The following C2CD3 variants were observed in gnomAD, a reference collection of about 807,000 sequenced individuals.
The protein encoded by C2CD3 is C2 domain containing 3 centriole elongation regulator, also known as C2 domain-containing protein 3.
Under a neutral mutation model 234.0 loss-of-function variants are expected in C2CD3, and 148 were observed. The observed-to-expected ratio is 0.63, with a 90% CI of 0.55 to 0.72. The LOEUF is 0.72. Among genes scored for constraint, C2CD3 ranks in the 30% least tolerant of loss-of-function variants. The pLI is 0.00. For synonymous variants in C2CD3, 1,000 were observed against 1,035.4 expected, an observed-to-expected ratio of 0.97 and a Z score of 0.66; for missense variants, 2,577 against 2,811.5, an observed-to-expected ratio of 0.92 and a Z score of 1.89.
At chr11:74,037,784 G>A in intron 29 of C2CD3, 86 bp from the exon 30 acceptor site, 1 of 1,023,784 alleles carries the variant, frequency 9.8e-7, no homozygotes, top group East Asian at 2.6e-5. Context: ...ACTACCGCTT[G>A]AGCCAAAGCC....
rs766055681 is a variant in C2CD3 at position 74,037,713 on chromosome 11, G to A, written c.5661-15C>T. 2.5e-6 allele frequency: 4 copies of A among 1,590,946 alleles called. No individual in the cohort carries two copies. Among genetic ancestry groups the A allele is most frequent in the Non-Finnish European group, 3.4e-6 (4 of 1,161,912 alleles). ...TCAGATTCTTCCTATAAACAAAAGG[G>A]GGAGAAGAAGACAAAGGGGTAATTC... On this transcript the variant is annotated splice_polypyrimidine_tract_variant and intron_variant, in intron 29 of 32. Coordinates refer to ENST00000334126, the MANE Select transcript of C2CD3 (RefSeq NM_001286577.2).
intron 25 of C2CD3, among the ~76,000 whole-genome samples, chr11:74,056,765 G>C (rs1953967568): frequency 6.6e-6 from 1 of 152,064 alleles, no homozygotes; most frequent in Non-Finnish European, 1.5e-5. Context: ...TTATTCATCT[G>C]GATAACTTAT....
chr11:74,098,036 G>T lies in C2CD3; in HGVS notation c.2952C>A (p.Asp984Glu), dbSNP rs1369474850. The T allele has an allele frequency of 6.2e-7, 1 of 1,614,090 alleles. No homozygotes were observed. Among genetic ancestry groups the T allele is most frequent in the East Asian group, 2.2e-5 (1 of 44,880 alleles). Residue 984 changes from aspartate to glutamate, a missense_variant, in exon 16 of 33, where the codon GAC becomes GAA. By Grantham distance (45) the Asp-to-Glu change is conservative. Coordinates refer to ENST00000334126, the MANE Select transcript of C2CD3 (RefSeq NM_001286577.2). ...TAGCAACAGATGCTGCAGTTGGCTG[G>T]TCCAGGAAATGGGCTGGCCTAGGGC... Reference protein sequence around the residue: ...PFSPRPAHFLDQPTAASVAMA... With the variant: ...PFSPRPAHFLEQPTAASVAMA...
intron 26 of C2CD3, among the ~76,000 whole-genome samples, chr11:74,052,750 T>C (rs1267011213): frequency 6.6e-6 from 1 of 152,188 alleles, no homozygotes; most frequent in Non-Finnish European, 1.5e-5. Context: ...GAACTCATCA[T>C]CAAAACAAGG....
At chr11:74,059,182 ATTC>A (rs1954096518) in intron 24 of C2CD3, among the ~76,000 whole-genome samples, 1 of 152,052 alleles carries the variant, frequency 6.6e-6, no homozygotes, top group South Asian at 2.1e-4. Context: ...ACTGGTTTGT[ATTC>A]TTTATAACTG....
At chr11:74,096,726 T>C (rs1956119965) in intron 16 of C2CD3, among the ~76,000 whole-genome samples, 1 of 152,240 alleles carries the variant, frequency 6.6e-6, no homozygotes, top group Non-Finnish European at 1.5e-5. Flanking sequence ...GAGTCTACAC[T>C]GCAAGATGAC....
intron 3 of C2CD3, chr11:74,142,188 G>A (rs1437434096): frequency 1.3e-5 from 2 of 152,160 alleles, no homozygotes; most frequent in East Asian, 1.9e-4. Context: ...CCTTAGATAT[G>A]GTTGCAATTT....
In C2CD3 at chr11:74,158,158, A is replaced by G. The variant is rs1292646108; in HGVS notation, c.483+3241T>C. Among the ~76,000 whole-genome samples, 3 of 152,206 alleles carry G rather than the reference A, an allele frequency of 2.0e-5. No individual in the cohort carries two copies. In the East Asian group the frequency reaches 5.8e-4, roughly 29 times the overall value. ...TTTTGGGTAAGACCTCAAAAGCACA[A>G]GCAACAAAGCAAAAATAGACAAATG... On this transcript the variant is annotated intron_variant, in intron 3 of 32. Coordinates refer to ENST00000334126, the MANE Select transcript of C2CD3 (RefSeq NM_001286577.2).
chr11:74,170,769 C>T lies in C2CD3; in HGVS notation c.24G>A (p.Gly8=), dbSNP rs1857146984. The part of the protein sequence containing the change: MKQRKGQ[G]SGGSRGRKKR... ...TTTTGCGCCCACGGCTGCCCCCAGA[C>T]CCTTGGCCTTTTCGTTGTTTCATGA... Residue 8 remains glycine (G), a synonymous_variant, in exon 1 of 33, where the codon GGG becomes GGA. Transcript: ENST00000334126. 2 of 1,614,082 alleles carry T rather than the reference C, an allele frequency of 1.2e-6. No individual in the cohort carries two copies. The highest frequency in any genetic ancestry group is 1.7e-6 in the Non-Finnish European group (2 of 1,180,046).
chr11:74,114,343 C>A, intron 10 of C2CD3, 41 bp downstream of exon 10: 1 of 1,405,994 alleles, frequency 7.1e-7, no homozygotes, highest in Non-Finnish European at 1.0e-6. Context: ...GACACACTTT[C>A]CAAAAATGTC....
At chr11:74,030,378 A>T (rs977799100) in intron 31 of C2CD3, among the ~76,000 whole-genome samples, 6 of 152,192 alleles carry the variant, frequency 3.9e-5, no homozygotes, top group African/African-American at 1.4e-4. Flanking sequence ...CCTCACCATT[A>T]GCTGCTTTGA....
Position 74,138,785 on chromosome 11 carries a change from G to C in C2CD3, c.890C>G (p.Ala297Gly). ...SEFQPQIRTV[A>G]KSHSDSCILS... ...AATGCATGAGTCACTGTGACTCTTG[G>C]CAACTGTTCTAATTTGAGGCTGGAA... Residue 297 changes from alanine (A) to glycine (G), a missense_variant, in exon 5 of 33, where the codon GCC becomes GGC. By Grantham distance (60) the Ala-to-Gly change is moderately conservative. Coordinates refer to ENST00000334126, the MANE Select transcript of C2CD3 (RefSeq NM_001286577.2). 1.2e-6 allele frequency: 2 copies of C among 1,612,192 alleles called. No individual in the cohort carries two copies. Among genetic ancestry groups the C allele is most frequent in the Admixed American group, 1.7e-5 (1 of 60,002 alleles).
intron 26 of C2CD3, among the ~76,000 whole-genome samples, chr11:74,052,459 C>T (rs1953742444): frequency 6.6e-6 from 1 of 152,152 alleles, no homozygotes; most frequent in Non-Finnish European, 1.5e-5. Context: ...TTATAGTAAA[C>T]AGCAGAGCCA....
intron 29 of C2CD3, 113 bp from the exon 30 acceptor site, chr11:74,037,811 G>C (rs1315927755): frequency 1.3e-6 from 1 of 757,694 alleles, no homozygotes; most frequent in Non-Finnish European, 2.2e-6. Flanking sequence ...CCTCTCACTT[G>C]GTCTATTAAT....
chr11:74,121,786 A>G (rs1208239933), intron 8 of C2CD3, among the ~76,000 whole-genome samples: 1 of 152,186 alleles, frequency 6.6e-6, no homozygotes, highest in Non-Finnish European at 1.5e-5. Flanking sequence ...TGTGTAATAA[A>G]TATTTCCTCT....
chr11:74,150,996 G>A (rs552641468), intron 3 of C2CD3, among the ~76,000 whole-genome samples: 4 of 151,480 alleles, frequency 2.6e-5, no homozygotes, highest in East Asian at 1.9e-4. Context: ...CACAATCTCC[G>A]CTCACTGCAA....
rs369436373 is a variant in C2CD3 at position 74,133,456 on chromosome 11, T to A, written c.1057A>T (p.Ile353Phe). The change falls in exon 6 of 33, where the codon ATT becomes TTT. Residue 353 changes from isoleucine to phenylalanine, a missense_variant. Physicochemically the swap from Ile to Phe is conservative, Grantham distance 21 (BLOSUM62 0). Coordinates refer to ENST00000334126, the MANE Select transcript of C2CD3 (RefSeq NM_001286577.2). ...GATGCTCTAAGAGAATCTTCATTAA[T>A]AGGAGGATGAACTTGGTCCAACAAC... ...SMLLDQVHPP[I>F]NEDSLRASTQ... The A allele has an allele frequency of 1.2e-6, 2 of 1,613,558 alleles. No individual in the cohort carries two copies. Among genetic ancestry groups the A allele is most frequent in the Non-Finnish European group, 1.7e-6 (2 of 1,179,588 alleles).
chr11:74,095,293 T>C lies in C2CD3; in HGVS notation c.3095A>G (p.Gln1032Arg). ...TVWGEADCYV[Q>R]YYFPVQHSQS... ...AGAGTGTTGAACTGGAAAGTAGTACTGGACATAACAATCTGCTTCTCCCCA... is the reference window on the plus strand; with the variant it reads ...AGAGTGTTGAACTGGAAAGTAGTACCGGACATAACAATCTGCTTCTCCCCA... Residue 1032 changes from glutamine (Q) to arginine (R), a missense_variant, in exon 17 of 33, where the codon CAG becomes CGG. Transcript: ENST00000334126. The C allele has an allele frequency of 6.2e-7, 1 of 1,613,896 alleles. No individual in the cohort carries two copies. The highest frequency in any genetic ancestry group is 8.5e-7 in the Non-Finnish European group (1 of 1,179,804).
intron 9 of C2CD3, among the ~76,000 whole-genome samples, chr11:74,116,355 C>G (rs1325080095): frequency 6.6e-6 from 1 of 151,766 alleles, no homozygotes; most frequent in Non-Finnish European, 1.5e-5. Context: ...ATACAAATGG[C>G]CAACAAACGT....
Sources: gnomAD v4.1 joint callset for allele counts (sites outside exome capture counted in the v4.1 genomes callset) on GRCh38, gnomAD v4.1.1 for gene constraint, MANE v1.5 for transcripts, NCBI Gene and HGNC (gene_info 2026-07-23, HGNC 2026-07-21) for gene names.